AHCTF1: variants seen among roughly 807,000 people sequenced by gnomAD.
AHCTF1 encodes protein ELYS.
Under a neutral mutation model 248.4 loss-of-function variants are expected in AHCTF1, and 24 were observed. That is an observed-to-expected ratio of 0.10 (90% CI 0.07 to 0.14). The LOEUF is 0.14. Ranked by LOEUF, AHCTF1 falls within the 10% of genes least tolerant of loss-of-function variation. AHCTF1 has a pLI of 1.00. For missense variants in AHCTF1, 2,206 were observed against 2,636.2 expected (o/e 0.84, Z 3.57); for synonymous variants, 786 against 929.8 (o/e 0.85, Z 2.81).
chr1:246,857,884 T>C, intron 29 of AHCTF1, 70 bp from the exon 30 acceptor site: 3 of 1,444,826 alleles, frequency 2.1e-6, no homozygotes, highest in Non-Finnish European at 2.8e-6. Context: ...CTTGCATTAT[T>C]ACTTTTTAAA....
At chr1:246,842,623 ATAG>A in intron 35 of AHCTF1, 68 bp downstream of exon 35, 2 of 1,139,198 alleles carry the variant, frequency 1.8e-6, no homozygotes, top group East Asian at 2.6e-5. Context: ...TAAAAGGAGG[ATAG>A]TAGGGTGGGG....
In AHCTF1 at chr1:246,877,200, C is replaced by G; in HGVS notation, c.2763G>C (p.Leu921Phe). The stretch of plus-strand genomic sequence containing the variant: ...ATGGTAACTTCAGTAAATCTTCCAT[C>G]AAGCCCATTTCCTGACAGACTTCAT... Reference protein sequence around the residue: ...HMYEVCQEMGLMEDLLKLPFT... With the variant: ...HMYEVCQEMGFMEDLLKLPFT... The change falls in exon 22 of 36, where the codon TTG (leucine) becomes TTC (phenylalanine). Residue 921 changes from leucine to phenylalanine, a missense_variant. This residue lies in a region of AHCTF1 where 955 missense variants were observed against 1,055.6 expected (regional missense o/e 0.90). Coordinates refer to ENST00000648844, the MANE Select transcript of AHCTF1 (RefSeq NM_001323342.2). The G allele has an allele frequency of 6.2e-7, 1 of 1,613,442 alleles. No homozygotes were observed. The highest frequency in any genetic ancestry group is 8.5e-7 in the Non-Finnish European group (1 of 1,179,882).
chr1:246,902,170 A>G (rs1691255), intron 8 of AHCTF1, among the ~76,000 whole-genome samples: 84,074 of 151,988 alleles, frequency 0.55, 23,962 homozygotes, highest in African/African-American at 0.68. Flanking sequence ...GACACTAAAG[A>G]AGACAGAGAA....
chr1:246,929,137 G>A (rs556079169), intron 1 of AHCTF1, among the ~76,000 whole-genome samples: 4 of 152,300 alleles, frequency 2.6e-5, no homozygotes, highest in Non-Finnish European at 4.4e-5. Context: ...GGCTGGGTGC[G>A]GTGGTTCACG....
In AHCTF1 at chr1:246,853,272, C is replaced by A. The variant is rs1660851598; in HGVS notation, c.4382G>T (p.Gly1461Val). 6.2e-7 allele frequency: 1 copy of A among 1,613,222 alleles called. No homozygotes were observed. The highest frequency in any genetic ancestry group is 8.5e-7 in the Non-Finnish European group (1 of 1,179,640). ...KSMADVLGDG[G>V]NSSLTISEGP... ...TTCAGAGATAGTGAGCGAGGAGTTT[C>A]CACCATCACCAAGGACATCAGCCAT... Residue 1461 changes from glycine (G) to valine (V), a missense_variant, in exon 32 of 36, where the codon GGA (glycine) becomes GTA (valine). This residue lies in a region of AHCTF1 where 955 missense variants were observed against 1,055.6 expected (regional missense o/e 0.90). Transcript: ENST00000648844.
intron 21 of AHCTF1, among the ~76,000 whole-genome samples, chr1:246,885,137 G>A (rs1418284669): frequency 6.6e-6 from 1 of 152,136 alleles, no homozygotes; most frequent in Non-Finnish European, 1.5e-5. Context: ...AACATTGGAA[G>A]ACCAATAAAC....
chr1:246,875,482 G>A (rs55703892), intron 24 of AHCTF1, among the ~76,000 whole-genome samples: 7,681 of 152,290 alleles, frequency 0.05, 671 homozygotes, highest in African/African-American at 0.17. Context: ...GGCAGGGTTT[G>A]AGAGGAGTGA....
chr1:246,914,732 C>T (rs913455560), intron 3 of AHCTF1, among the ~76,000 whole-genome samples: 4 of 152,160 alleles, frequency 2.6e-5, no homozygotes, highest in African/African-American at 9.7e-5. Flanking sequence ...GTGTCTATCG[C>T]TACTCCCCCA....
chr1:246,851,579 G>T (rs1660724119), intron 32 of AHCTF1, 137 bp from the exon 33 acceptor site: 4 of 697,184 alleles, frequency 5.7e-6, no homozygotes, highest in African/African-American at 1.8e-5. Context: ...ATACTTATGG[G>T]TTTACTTTAC....
chr1:246,907,235 T>TTA (rs1345669108), intron 5 of AHCTF1, among the ~76,000 whole-genome samples: 3 of 152,226 alleles, frequency 2.0e-5, no homozygotes, highest in East Asian at 3.8e-4. Flanking sequence ...GACCCCTTTC[T>TTA]TACATAAGGA....
At position 246,842,733 on chromosome 1, in the gene AHCTF1, G is replaced by A. The variant is rs143245095; in HGVS notation, c.6569C>T (p.Ala2190Val). ...QSVETLGKPK[A>V]KRIRTSKTKQ... ...TGTTTTTGACGTCCTGATTCGTTTCGCTTTTGGCTTTCCCAGAGTTTCTAC... is the reference window on the plus strand; with the variant it reads ...TGTTTTTGACGTCCTGATTCGTTTCACTTTTGGCTTTCCCAGAGTTTCTAC... The change falls in exon 35 of 36, where the codon GCG becomes GTG. Residue 2190 changes from alanine (A) to valine (V), a missense_variant. Physicochemically the swap from Ala to Val is moderately conservative, Grantham distance 64. Transcript: ENST00000648844. 450 of 1,613,654 alleles carry A rather than the reference G, an allele frequency of 2.8e-4. 2 individuals carry two copies. In the African/African-American group the frequency reaches 4.8e-3, roughly 17 times the overall value.
At chr1:246,899,038 G>A (rs957941224) in intron 11 of AHCTF1, among the ~76,000 whole-genome samples, 1 of 152,198 alleles carries the variant, frequency 6.6e-6, no homozygotes, top group African/African-American at 2.4e-5. Flanking sequence ...GCAATGAGCC[G>A]AGATGGTGTC....
rs763397698 is a variant in AHCTF1, at chr1:246,890,943, G to C, written c.2050+13C>G. The stretch of plus-strand genomic sequence containing the variant: ...GTTTTAATTAATACTTATAGATTAA[G>C]TAAATATTTTACCTATGCCTTCTGG... On this transcript the variant is annotated intron_variant, in intron 16 of 35. Transcript: ENST00000648844. 6.9e-7 allele frequency: 1 copy of C among 1,456,586 alleles called. No individual in the cohort carries two copies. Among genetic ancestry groups the C allele is most frequent in the African/African-American group, 1.5e-5 (1 of 68,922 alleles). 90.2% of individuals were successfully genotyped at this position (1,456,586 alleles called of 1,614,324 possible). A position where few individuals can be genotyped will look rare whatever the true frequency, so the allele number is the denominator to read the frequency against.
At chr1:246,921,491 T>C (rs1286661347) in intron 1 of AHCTF1, among the ~76,000 whole-genome samples, 1 of 152,176 alleles carries the variant, frequency 6.6e-6, no homozygotes, top group Non-Finnish European at 1.5e-5. Flanking sequence ...CCAAAATTTA[T>C]TCAGAATGCA....
chr1:246,859,640 G>T (rs1661378023), intron 29 of AHCTF1, among the ~76,000 whole-genome samples: 1 of 152,074 alleles, frequency 6.6e-6, no homozygotes, highest in Non-Finnish European at 1.5e-5. Flanking sequence ...CGCAATCACG[G>T]CTCACTGCAT....
chr1:246,892,529 C>G (rs964100223), intron 14 of AHCTF1, among the ~76,000 whole-genome samples: 1 of 151,998 alleles, frequency 6.6e-6, no homozygotes, highest in Non-Finnish European at 1.5e-5. Flanking sequence ...CCATGTTGGC[C>G]AGGCTGGCCT....
chr1:246,904,932 G>C lies in AHCTF1; in HGVS notation c.881+609C>G, dbSNP rs141588111. Among the ~76,000 whole-genome samples the C allele has an allele frequency of 1.6e-3, 246 of 152,242 alleles. 2 individuals are homozygous for C. Among genetic ancestry groups the C allele is most frequent in the African/African-American group, 5.6e-3 (232 of 41,540 alleles). ...TTGTTCTCAATCTCCAAGTATATTTGAAGAATAAGAGAGCAGGGTACTGAG... is the reference window on the plus strand; with the variant it reads ...TTGTTCTCAATCTCCAAGTATATTTCAAGAATAAGAGAGCAGGGTACTGAG... On this transcript the variant is annotated intron_variant, in intron 6 of 35. Transcript: ENST00000648844.
intron 11 of AHCTF1, among the ~76,000 whole-genome samples, chr1:246,898,890 C>T (rs1347810641): frequency 6.6e-6 from 1 of 152,134 alleles, no homozygotes; most frequent in African/African-American, 2.4e-5. Flanking sequence ...GAGTTCGAGA[C>T]CAGCCTGGCC....
intron 10 of AHCTF1, 123 bp downstream of exon 10, chr1:246,899,941 TC>T: frequency 1.1e-6 from 1 of 922,110 alleles, no homozygotes; most frequent in South Asian, 1.8e-5. Flanking sequence ...TCCTAAGTTA[TC>T]CATATGTTAA....
Sources: allele counts gnomAD v4.1 joint callset (sites outside exome capture counted in the v4.1 genomes callset), GRCh38; gene constraint gnomAD v4.1.1; regional missense constraint gnomAD v4.1.1; transcripts MANE v1.5; gene names NCBI Gene and HGNC (gene_info 2026-07-23, HGNC 2026-07-21).